LGALS12: variants seen among roughly 807,000 people sequenced by gnomAD.
LGALS12 encodes galectin-12.
LGALS12 carries 36 observed loss-of-function variants against 36.8 expected under a neutral mutation model. That is an observed-to-expected ratio of 0.98 (90% CI 0.75 to 1.29). The LOEUF (loss-of-function observed/expected upper bound fraction) is 1.29, where lower values mean the gene tolerates loss of function less well. Ranked by LOEUF, LGALS12 falls within the 50% of genes most tolerant of loss-of-function variation. The pLI is 0.00. For synonymous variants in LGALS12, 145 were observed against 155.9 expected (o/e 0.93, Z 0.52); for missense variants, 366 against 394.3 (o/e 0.93, Z 0.61).
In LGALS12 at chr11:63,509,655, T is replaced by C. The variant is rs1263583529; in HGVS notation, c.373-123T>C. 9.2e-6 allele frequency: 9 copies of C among 974,108 alleles called. No individual in the cohort carries two copies. The East Asian group carries it at 1.7e-4, about 19-fold the overall frequency. The allele number at this position is 974,108 out of a possible 1,614,324, so 60.3% of individuals were successfully genotyped here. A position where few individuals can be genotyped will look rare whatever the true frequency, so the allele number is the denominator to read the frequency against. On this transcript the variant is annotated intron_variant, in intron 3 of 8. Coordinates refer to ENST00000394618, the MANE Select transcript of LGALS12 (RefSeq NM_033101.4). ...GGCTCTGTAAAATGTACCTACCTCA[T>C]AGAGATGACGTGAAGTTAAGTGAGG...
chr11:63,509,959 A>T, intron 4 of LGALS12, 62 bp downstream of exon 4: 1 of 1,569,666 alleles, frequency 6.4e-7, no homozygotes, highest in Non-Finnish European at 8.6e-7. Flanking sequence ...TGACTCCTGG[A>T]CGGGCCTGGG....
At position 63,509,885 on chromosome 11, in the gene LGALS12, C is replaced by T. The variant is rs761294756; in HGVS notation, c.480C>T (p.Phe160=). The T allele has an allele frequency of 6.2e-7, 1 of 1,613,982 alleles. No individual in the cohort carries two copies. Among genetic ancestry groups the T allele is most frequent in the Admixed American group, 1.7e-5 (1 of 60,008 alleles). Residue 160 remains phenylalanine (F), a synonymous_variant, in exon 4 of 9, where the codon TTC becomes TTT. Transcript: ENST00000394618. ...ACATCCTGGTAGAGGCTGTTGGATT[C>T]CTGAACATCAATGTAAGTTTCCTTG... ...FGDILVEAVG[F]LNINPFVEGS...
At position 63,509,871 on chromosome 11, in the gene LGALS12, G is replaced by T. The variant is rs368898011; in HGVS notation, c.466G>T (p.Glu156Ter). Residue 156 changes from glutamate to a stop codon, truncating the protein, a stop_gained, in exon 4 of 9, where the codon GAG becomes TAG. Transcript: ENST00000394618. LOFTEE classifies it high-confidence loss of function. ...TLGIFGDILV[E>*]AVGFLNINPF... ...GGGTATATTTGGTGACATCCTGGTAGAGGCTGTTGGATTCCTGAACATCAA... is the reference window on the plus strand; with the variant it reads ...GGGTATATTTGGTGACATCCTGGTATAGGCTGTTGGATTCCTGAACATCAA... The T allele has an allele frequency of 3.1e-6, 5 of 1,614,142 alleles. No individual in the cohort carries two copies. Among genetic ancestry groups the T allele is most frequent in the Non-Finnish European group, 4.2e-6 (5 of 1,179,986 alleles).
Position 63,516,559 on chromosome 11 carries a change from G to A in LGALS12, c.*166G>A. 1 of 757,086 alleles carries A rather than the reference G, an allele frequency of 1.3e-6. No individual in the cohort carries two copies. The allele number at this position is 757,086 out of a possible 1,614,324, so 46.9% of individuals were successfully genotyped here. On this transcript the variant is annotated 3_prime_UTR_variant, in exon 9 of 9. Transcript: ENST00000394618. The stretch of plus-strand genomic sequence containing the variant: ...ACAGGAGCTTTGGGCCTGAGGGAAG[G>A]CACAAGAGTGCAAAGGTTCCTCGAA...
chr11:63,515,527 G>A, intron 7 of LGALS12, 36 bp from the exon 8 acceptor site: 1 of 1,610,398 alleles, frequency 6.2e-7, no homozygotes, highest in East Asian at 2.2e-5. Context: ...TGGGCAATGG[G>A]CGCTGATTCC....
intron 7 of LGALS12, among the ~76,000 whole-genome samples, chr11:63,514,316 A>G (rs1420573462): frequency 6.6e-6 from 1 of 152,194 alleles, no homozygotes; most frequent in Non-Finnish European, 1.5e-5. Context: ...TCAAGCCTGT[A>G]ATCCCAGCAC....
chr11:63,513,806 C>T (rs761526178), intron 7 of LGALS12, among the ~76,000 whole-genome samples: 1 of 152,094 alleles, frequency 6.6e-6, no homozygotes, highest in Non-Finnish European at 1.5e-5. Flanking sequence ...ACTGCAGCCT[C>T]AAAGAGCTTC....
chr11:63,514,444 G>A (rs112344598), intron 7 of LGALS12, among the ~76,000 whole-genome samples: 3,237 of 152,144 alleles, frequency 0.021, 125 homozygotes, highest in African/African-American at 0.074. Flanking sequence ...GCGGGCATGC[G>A]CCTGTAGTCC....
chr11:63,512,802 A>G (rs1590650962), intron 7 of LGALS12, among the ~76,000 whole-genome samples: 1 of 151,744 alleles, frequency 6.6e-6, no homozygotes, highest in East Asian at 1.9e-4. Flanking sequence ...AAAAAAAAAA[A>G]AAGATAGAGG....
chr11:63,508,696 A>AG, intron 2 of LGALS12, 55 bp downstream of exon 2: 1 of 1,613,508 alleles, frequency 6.2e-7, no homozygotes, highest in East Asian at 2.2e-5. Flanking sequence ...AGAGGCATCG[A>AG]GCTGGAGGGC....
chr11:63,506,718 T>C (rs570199064), intron 1 of LGALS12, among the ~76,000 whole-genome samples, 191 bp downstream of exon 1: 1 of 152,308 alleles, frequency 6.6e-6, no homozygotes, highest in Admixed American at 6.5e-5. Context: ...TGGGTGTAAA[T>C]GACTGCTAGG....
intron 1 of LGALS12, among the ~76,000 whole-genome samples, 183 bp downstream of exon 1, chr11:63,506,710 G>T (rs1463799271): frequency 1.3e-5 from 2 of 152,146 alleles, no homozygotes; most frequent in Non-Finnish European, 2.9e-5. Context: ...TTCCCACTTG[G>T]GTGTAAATGA....
intron 7 of LGALS12, among the ~76,000 whole-genome samples, chr11:63,514,194 T>C (rs2017010197): frequency 6.6e-6 from 1 of 152,208 alleles, no homozygotes; most frequent in South Asian, 2.1e-4. Flanking sequence ...TCCCCTACCT[T>C]ACCTGCCTCT....
intron 1 of LGALS12, among the ~76,000 whole-genome samples, chr11:63,507,725 CTTTTTTTTTTTTT>C (rs199594642): frequency 8.6e-5 from 6 of 69,944 alleles, no homozygotes; most frequent in Admixed American, 6.5e-4. Flanking sequence ...CAGGCAACTT[CTTTTTTTTTTTTT>C]TTTTTTTTTT....
chr11:63,512,884 T>G (rs2016970471), intron 7 of LGALS12, among the ~76,000 whole-genome samples: 1 of 151,728 alleles, frequency 6.6e-6, no homozygotes, highest in African/African-American at 2.4e-5. Flanking sequence ...TGTCCACAAA[T>G]GTGGGTACTA....
At chr11:63,507,884 C>T in intron 1 of LGALS12, 1 of 223,444 alleles carries the variant, frequency 4.5e-6, no homozygotes. Context: ...ATTAGAGGTG[C>T]ATGCCACCAC....
intron 7 of LGALS12, among the ~76,000 whole-genome samples, chr11:63,512,203 T>A (rs183895104): frequency 1.3e-5 from 2 of 152,272 alleles, no homozygotes; most frequent in African/African-American, 2.4e-5. Flanking sequence ...GTTCAAAAGA[T>A]ACAGCCAGAC....
rs752546690 is a variant in LGALS12, at chr11:63,508,570, G to A, written c.87G>A (p.Thr29=). 34 of 1,613,968 alleles carry A rather than the reference G, an allele frequency of 2.1e-5. No individual in the cohort carries two copies. The highest frequency in any genetic ancestry group is 4.5e-5 in the East Asian group (2 of 44,866). ...PVFHPVVPYV[T]TIFGGLHAGK... is the part of the protein sequence containing the mutation. The stretch of plus-strand genomic sequence containing the variant: ...TTGTTCAGGTGGTTCCTTATGTCAC[G>A]ACGATTTTTGGAGGCCTGCATGCAG... The change falls in exon 2 of 9, where the codon ACG becomes ACA. Residue 29 remains threonine (T), a synonymous_variant. Transcript: ENST00000394618.
chr11:63,513,922 G>A (rs961773665), intron 7 of LGALS12, among the ~76,000 whole-genome samples: 13 of 152,160 alleles, frequency 8.5e-5, no homozygotes, highest in Non-Finnish European at 1.8e-4. Flanking sequence ...GCTGCATGAA[G>A]GTGAGGTAGG....
Sources: gnomAD v4.1 joint callset for allele counts (sites outside exome capture counted in the v4.1 genomes callset) on GRCh38, gnomAD v4.1.1 for gene constraint, MANE v1.5 for transcripts, NCBI Gene and HGNC (gene_info 2026-07-23, HGNC 2026-07-21) for gene names.